The following CRPPA variants were observed in gnomAD, a reference collection of about 807,000 sequenced individuals.
CRPPA encodes CDP-L-ribitol pyrophosphorylase A, also known as D-ribitol-5-phosphate cytidylyltransferase.
A neutral mutation model predicts 52.0 loss-of-function variants in CRPPA; 43 were observed. The ratio of observed to expected loss-of-function variants is 0.83; its 90% CI spans 0.65 to 1.07. The LOEUF (loss-of-function observed/expected upper bound fraction) is 1.07, where lower values mean the gene tolerates loss of function less well. CRPPA is among the 50% of genes least tolerant of loss of function. The pLI is 0.00. For missense variants in CRPPA, 629 were observed against 551.7 expected, an observed-to-expected ratio of 1.14 and a Z score of -1.40; for synonymous variants, 250 against 203.5, an observed-to-expected ratio of 1.23 and a Z score of -1.94.
chr7:16,405,250 C>A (rs1012298481), intron 2 of CRPPA, among the ~76,000 whole-genome samples: 2 of 152,028 alleles, frequency 1.3e-5, no homozygotes, highest in Non-Finnish European at 2.9e-5. Flanking sequence ...ACCCTTTAAG[C>A]ACTTAGTATT....
intron 9 of CRPPA, among the ~76,000 whole-genome samples, chr7:16,201,055 T>C (rs1392008696): frequency 6.6e-6 from 1 of 152,080 alleles, no homozygotes; most frequent in Non-Finnish European, 1.5e-5. Context: ...TCAACTTCAC[T>C]GCAAGGAAAA....
At chr7:16,117,301 T>C (rs1782394646) in intron 9 of CRPPA, among the ~76,000 whole-genome samples, 1 of 152,212 alleles carries the variant, frequency 6.6e-6, no homozygotes, top group African/African-American at 2.4e-5. Flanking sequence ...ATCTGCAGCA[T>C]CAGGGGTGAG....
At chr7:16,342,123 C>T (rs552607484) in intron 3 of CRPPA, among the ~76,000 whole-genome samples, 1 of 152,162 alleles carries the variant, frequency 6.6e-6, no homozygotes, top group East Asian at 1.9e-4. Flanking sequence ...ACCATAACAT[C>T]TAGGTATTAA....
intron 9 of CRPPA, among the ~76,000 whole-genome samples, chr7:16,150,687 T>C (rs955323292): frequency 6.6e-6 from 1 of 152,216 alleles, no homozygotes; most frequent in Non-Finnish European, 1.5e-5. Flanking sequence ...AAAGATGCCT[T>C]GTCTTAGTCC....
intron 1 of CRPPA, among the ~76,000 whole-genome samples, chr7:16,414,350 A>ACACACACACACAC (rs1788139785): frequency 7.2e-6 from 1 of 138,658 alleles, no homozygotes; most frequent in African/African-American, 2.6e-5. Flanking sequence ...CCCCTACCCC[A>ACACACACACACAC]ACACACACAC....
chr7:16,281,772 A>G (rs938040779), intron 5 of CRPPA, among the ~76,000 whole-genome samples: 2 of 152,158 alleles, frequency 1.3e-5, no homozygotes, highest in Admixed American at 1.3e-4. Flanking sequence ...AAATTGATGA[A>G]TGATTATTCA....
At chr7:16,400,262 G>A (rs1469186341) in intron 2 of CRPPA, among the ~76,000 whole-genome samples, 3 of 152,200 alleles carry the variant, frequency 2.0e-5, no homozygotes, top group Admixed American at 2.0e-4. Flanking sequence ...ACACGTGATT[G>A]TCACGTGATT....
At chr7:16,140,308 A>C (rs140761442) in intron 9 of CRPPA, among the ~76,000 whole-genome samples, 1 of 151,490 alleles carries the variant, frequency 6.6e-6, no homozygotes, top group Non-Finnish European at 1.5e-5. Flanking sequence ...CCACCATGCC[A>C]GGCAATGCCA....
At chr7:16,189,325 T>C (rs1221294568) in intron 9 of CRPPA, among the ~76,000 whole-genome samples, 2 of 152,184 alleles carry the variant, frequency 1.3e-5, no homozygotes. Context: ...AGCAGAGCCA[T>C]TTTGCTGTAA....
intron 6 of CRPPA, among the ~76,000 whole-genome samples, chr7:16,259,432 C>T (rs1783734103): frequency 1.3e-5 from 2 of 151,806 alleles, no homozygotes; most frequent in Non-Finnish European, 2.9e-5. Context: ...CCTGAAATAA[C>T]TAGAAATGGG....
chr7:16,217,329 C>A lies in CRPPA; in HGVS notation c.1120-1132G>T, dbSNP rs1324013300. Among the ~76,000 whole-genome samples the A allele has an allele frequency of 4.6e-5, 7 of 151,996 alleles. 1 individual carries two copies. The highest frequency in any genetic ancestry group is 1.3e-4 in the Admixed American group (2 of 15,268). ...CAAACACCAAAAGTAGATAAAACCACAAAGATGGGGAAAAGACAGAACAGA... is the reference window on the plus strand; with the variant it reads ...CAAACACCAAAAGTAGATAAAACCAAAAAGATGGGGAAAAGACAGAACAGA... On this transcript the variant is annotated intron_variant, in intron 8 of 9. Transcript: ENST00000407010.
At chr7:16,094,871 A>T (rs1444026647) in intron 9 of CRPPA, among the ~76,000 whole-genome samples, 3 of 152,126 alleles carry the variant, frequency 2.0e-5, no homozygotes, top group Non-Finnish European at 2.9e-5. Flanking sequence ...TCAAAAAACA[A>T]GGAAAGTGTG....
chr7:16,222,310 G>T (rs1782534145), intron 8 of CRPPA, among the ~76,000 whole-genome samples: 1 of 110,764 alleles, frequency 9.0e-6, no homozygotes. Context: ...GGGGGGAGGG[G>T]GGAGGGATAG....
At chr7:16,130,399 T>C (rs1214906367) in intron 9 of CRPPA, among the ~76,000 whole-genome samples, 2 of 151,986 alleles carry the variant, frequency 1.3e-5, no homozygotes. Context: ...TGAGTTTCTA[T>C]AGTGAAGAAA....
At chr7:16,381,509 G>A (rs545501128) in intron 2 of CRPPA, among the ~76,000 whole-genome samples, 64 of 152,048 alleles carry the variant, frequency 4.2e-4, no homozygotes, top group African/African-American at 1.4e-3. Flanking sequence ...TATTAGGTCC[G>A]CTTGGTGCAG....
intron 2 of CRPPA, among the ~76,000 whole-genome samples, chr7:16,402,771 G>T (rs1401483329): frequency 6.6e-6 from 1 of 151,652 alleles, no homozygotes; most frequent in African/African-American, 2.4e-5. Context: ...ATATGAAAGA[G>T]AACTTAGGAC....
At chr7:16,178,488 T>G (rs1781349011) in intron 9 of CRPPA, among the ~76,000 whole-genome samples, 1 of 152,118 alleles carries the variant, frequency 6.6e-6, no homozygotes, top group Non-Finnish European at 1.5e-5. Context: ...TGAGAAATGG[T>G]GGGATAAACC....
At chr7:16,341,792 A>G (rs1218399874) in intron 3 of CRPPA, among the ~76,000 whole-genome samples, 3 of 152,228 alleles carry the variant, frequency 2.0e-5, no homozygotes, top group Non-Finnish European at 4.4e-5. Context: ...TCCATGTAAC[A>G]GTCTGGGAAG....
At position 16,090,864 on chromosome 7, in the gene CRPPA, G is replaced by A. The variant is rs886062161; in HGVS notation, c.*831C>T. The A allele has an allele frequency of 2.0e-5, 3 of 152,158 alleles. No homozygotes were observed. The highest frequency in any genetic ancestry group is 4.8e-5 in the African/African-American group (2 of 41,438). The allele number at this position is 152,158 out of a possible 1,614,324, so 9.4% of individuals were successfully genotyped here. A position where few individuals can be genotyped will look rare whatever the true frequency, so the allele number is the denominator to read the frequency against. On this transcript the variant is annotated 3_prime_UTR_variant, in exon 10 of 10. Transcript: ENST00000407010. Reference sequence around the variant, plus strand: ...ATATACCAATGAAAACTGGAAATAAGAACTTGATTTTAAAAGGTAGCAGTA... The same window carrying A: ...ATATACCAATGAAAACTGGAAATAAAAACTTGATTTTAAAAGGTAGCAGTA...
Sources: gnomAD v4.1 joint callset for allele counts (sites outside exome capture counted in the v4.1 genomes callset) on GRCh38, gnomAD v4.1.1 for gene constraint, MANE v1.5 for transcripts, NCBI Gene and HGNC (gene_info 2026-07-23, HGNC 2026-07-21) for gene names.